Variants in RAB11FIP5 observed in about 807,000 individuals in gnomAD.
RAB11FIP5 encodes RAB11 family interacting protein 5, also known as rab11 family-interacting protein 5.
In RAB11FIP5, 48 loss-of-function variants were observed where a neutral mutation model predicts 85.1. The observed-to-expected ratio is 0.56, with a 90% CI of 0.45 to 0.72. RAB11FIP5 has a LOEUF of 0.72. Ranked by LOEUF, RAB11FIP5 falls within the 30% of genes least tolerant of loss-of-function variation. The pLI is 0.00. For missense variants in RAB11FIP5, 1,491 were observed against 1,687.0 expected, an observed-to-expected ratio of 0.88 and a Z score of 2.04; for synonymous variants, 729 against 727.3, an observed-to-expected ratio of 1.00 and a Z score of -0.04.
Position 73,088,472 on chromosome 2 carries a change from G to A in RAB11FIP5, c.1146C>T (p.Ser382=). The part of the protein sequence containing the change: ...SSRFSEEGPR[S]TDDTWPRGSR... ...TGCCTCTGGGCCAGGTGTCATCTGTGGAACGAGGCCCCTCCTCGGAGAACC... is the reference window on the plus strand; with the variant it reads ...TGCCTCTGGGCCAGGTGTCATCTGTAGAACGAGGCCCCTCCTCGGAGAACC... Residue 382 remains serine (S), a synonymous_variant, in exon 3 of 6, where the codon TCC becomes TCT. Coordinates refer to ENST00000486777, the MANE Select transcript of RAB11FIP5 (RefSeq NM_001371272.1). 6.2e-7 allele frequency: 1 copy of A among 1,613,976 alleles called. No individual in the cohort carries two copies. Among genetic ancestry groups the A allele is most frequent in the Non-Finnish European group, 8.5e-7 (1 of 1,180,048 alleles).
intron 1 of RAB11FIP5, among the ~76,000 whole-genome samples, chr2:73,091,591 C>G (rs1486519376): frequency 6.6e-6 from 1 of 152,112 alleles, no homozygotes; most frequent in Non-Finnish European, 1.5e-5. Context: ...GTGTGGGGAG[C>G]CTTTGTATGA....
intron 1 of RAB11FIP5, among the ~76,000 whole-genome samples, chr2:73,109,346 G>C (rs530135893): frequency 6.6e-6 from 1 of 152,266 alleles, no homozygotes; most frequent in Admixed American, 6.5e-5. Context: ...TGGGGCCCCA[G>C]AGTCACCACC....
chr2:73,095,235 G>A (rs899930053), intron 1 of RAB11FIP5, among the ~76,000 whole-genome samples: 1 of 152,178 alleles, frequency 6.6e-6, no homozygotes, highest in Non-Finnish European at 1.5e-5. Flanking sequence ...ACTTGTCCCA[G>A]GTGCCTCTGC....
intron 1 of RAB11FIP5, among the ~76,000 whole-genome samples, chr2:73,108,527 C>A (rs1412020764): frequency 6.6e-6 from 1 of 152,250 alleles, no homozygotes; most frequent in Non-Finnish European, 1.5e-5. Context: ...GATGCCCTGT[C>A]TTCTTACTCC....
intron 3 of RAB11FIP5, among the ~76,000 whole-genome samples, chr2:73,082,317 A>C (rs955730564): frequency 6.6e-5 from 10 of 152,218 alleles, no homozygotes; most frequent in Admixed American, 1.3e-4. Flanking sequence ...CCCTTTTAGG[A>C]CTAAAAGCAA....
At chr2:73,084,806 G>C (rs757653097) in intron 3 of RAB11FIP5, among the ~76,000 whole-genome samples, 9 of 152,154 alleles carry the variant, frequency 5.9e-5, no homozygotes, top group Non-Finnish European at 1.2e-4. Context: ...TCTCTACCAG[G>C]CAATCCCCCA....
chr2:73,102,467 G>GT (rs1277904500), intron 1 of RAB11FIP5, among the ~76,000 whole-genome samples: 1 of 152,164 alleles, frequency 6.6e-6, no homozygotes, highest in African/African-American at 2.4e-5. Flanking sequence ...AGCAGCTAAG[G>GT]TAACAGCCCA....
chr2:73,098,180 G>A (rs1684359815), intron 1 of RAB11FIP5, among the ~76,000 whole-genome samples: 1 of 152,082 alleles, frequency 6.6e-6, no homozygotes, highest in Admixed American at 6.5e-5. Context: ...ATAAAATGAT[G>A]GTAGCAGCCT....
chr2:73,090,718 C>T (rs1021152563), intron 1 of RAB11FIP5, among the ~76,000 whole-genome samples: 3 of 152,212 alleles, frequency 2.0e-5, no homozygotes, highest in Non-Finnish European at 4.4e-5. Context: ...GTGAAAAGAT[C>T]AGTGGTTGCT....
chr2:73,075,975 C>T lies in RAB11FIP5; in HGVS notation c.3771+18G>A. On this transcript the variant is annotated intron_variant, in intron 5 of 5. Transcript: ENST00000486777. The surrounding 1 kb of genome is among the most constrained non-coding windows in gnomAD (Gnocchi z 4.6). The stretch of plus-strand genomic sequence containing the variant: ...CACACATTCTGTCAGATGGCCCCCA[C>T]ACCCTGCTGGGCCTTACCTTCAGCC... 3 of 1,603,132 alleles carry T rather than the reference C, an allele frequency of 1.9e-6. No homozygotes were observed. The highest frequency in any genetic ancestry group is 1.1e-5 in the South Asian group (1 of 90,166).
At chr2:73,085,389 G>A (rs1199460416) in intron 3 of RAB11FIP5, among the ~76,000 whole-genome samples, 2 of 152,156 alleles carry the variant, frequency 1.3e-5, no homozygotes, top group African/African-American at 2.4e-5. Flanking sequence ...TTAGTGTGGG[G>A]GGCGGGGAAC....
chr2:73,100,676 T>A (rs1385462131), intron 1 of RAB11FIP5, among the ~76,000 whole-genome samples: 2 of 152,198 alleles, frequency 1.3e-5, no homozygotes, highest in Non-Finnish European at 2.9e-5. Context: ...TCCATCTGCC[T>A]CGGCTTCCCA....
At chr2:73,099,302 G>A (rs1471060093) in intron 1 of RAB11FIP5, among the ~76,000 whole-genome samples, 5 of 151,964 alleles carry the variant, frequency 3.3e-5, no homozygotes, top group Non-Finnish European at 4.4e-5. Flanking sequence ...TGCCCACCTC[G>A]GCCTCCCAAA....
intron 1 of RAB11FIP5, among the ~76,000 whole-genome samples, chr2:73,102,954 G>C (rs747171260): frequency 3.9e-5 from 6 of 152,114 alleles, no homozygotes; most frequent in Non-Finnish European, 1.5e-5. Context: ...ATTATATTCA[G>C]AGTATGGTGA....
intron 3 of RAB11FIP5, among the ~76,000 whole-genome samples, chr2:73,087,585 TGA>T (rs1684113936): frequency 6.6e-6 from 1 of 152,014 alleles, no homozygotes; most frequent in Admixed American, 6.6e-5. Context: ...CAGAGGGAAG[TGA>T]TCACAGAGAC....
intron 1 of RAB11FIP5, among the ~76,000 whole-genome samples, chr2:73,099,003 C>G (rs532502739): frequency 9.9e-5 from 15 of 151,054 alleles, no homozygotes; most frequent in Non-Finnish European, 1.8e-4. Context: ...AGTAATAAAG[C>G]ACTTATGTTT....
Position 73,075,179 on chromosome 2 carries a change from G to T in RAB11FIP5, c.*342C>A, listed in dbSNP as rs185880130. 493 of 592,648 alleles carry T rather than the reference G, an allele frequency of 8.3e-4. 3 individuals carry two copies. The highest frequency in any genetic ancestry group is 8.1e-3 in the African/African-American group (445 of 54,792). 36.7% of individuals were successfully genotyped at this position (592,648 alleles called of 1,614,324 possible). On this transcript the variant is annotated 3_prime_UTR_variant, in exon 6 of 6. Coordinates refer to ENST00000486777, the MANE Select transcript of RAB11FIP5 (RefSeq NM_001371272.1). This position sits in a 1 kb window ranked among gnomAD's most constrained non-coding sequence, Gnocchi z 4.6. ...ATAATAAAGTATGTGCTAGCAACCA[G>T]TCTTGTCCCAGATTACTGCATCAAG...
At chr2:73,110,350 G>A (rs889441061) in intron 1 of RAB11FIP5, among the ~76,000 whole-genome samples, 1 of 152,172 alleles carries the variant, frequency 6.6e-6, no homozygotes, top group Non-Finnish European at 1.5e-5. Flanking sequence ...CCAGAGGTGG[G>A]GACCACAGCG....
intron 1 of RAB11FIP5, among the ~76,000 whole-genome samples, chr2:73,100,141 C>CG (rs1684399872): frequency 6.6e-6 from 1 of 152,134 alleles, no homozygotes; most frequent in African/African-American, 2.4e-5. Flanking sequence ...CTAGTACAAA[C>CG]GGGAGACTCT....
Sources: gnomAD v4.1 joint callset for allele counts (sites outside exome capture counted in the v4.1 genomes callset) on GRCh38, gnomAD v4.1.1 for gene constraint, Gnocchi (gnomAD v3.1) non-coding constraint, MANE v1.5 for transcripts, NCBI Gene and HGNC (gene_info 2026-07-23, HGNC 2026-07-21) for gene names.